NF1: variants seen among roughly 807,000 people sequenced by gnomAD.
NF1 encodes the protein neurofibromin 1.
Under a neutral mutation model 325.7 loss-of-function variants are expected in NF1, and 122 were observed. That is an observed-to-expected ratio of 0.37 (90% confidence interval 0.32 to 0.44). The LOEUF (loss-of-function observed/expected upper bound fraction) is 0.44. Ranked by LOEUF, NF1 falls within the 20% of genes least tolerant of loss-of-function variation. The probability of loss-of-function intolerance (pLI) is 1.00; values close to 1 mark genes in which losing one functional copy is unlikely to be tolerated. For synonymous variants in NF1, 1,091 were observed against 1,186.0 expected (o/e 0.92, Z 1.65); for missense variants, 2,140 against 3,415.4 (o/e 0.63, Z 9.31).
At chr17:31,249,872 GGGTCT>G (rs2067464287) in intron 30 of NF1, 1 of 452,138 alleles carries the variant, frequency 2.2e-6, no homozygotes, top group Non-Finnish European at 4.4e-6. Flanking sequence ...AAACATTAGT[GGGTCT>G]GGAATTTGGG....
chr17:31,132,793 A>G (rs1328710711), intron 1 of NF1, among the ~76,000 whole-genome samples: 1 of 151,920 alleles, frequency 6.6e-6, no homozygotes, highest in Non-Finnish European at 1.5e-5. Flanking sequence ...CAGCCACCCA[A>G]GTAGCTGGGA....
chr17:31,151,839 T>C (rs1224831442), intron 1 of NF1, among the ~76,000 whole-genome samples: 1 of 152,232 alleles, frequency 6.6e-6, no homozygotes, highest in Admixed American at 6.5e-5. Flanking sequence ...GCTGACTGTA[T>C]TTGAATTCAG....
In NF1 at chr17:31,235,727, C is replaced by T. The variant is rs2151437982; in HGVS notation, c.3825C>T (p.Phe1275=). 1 of 1,614,146 alleles carries T rather than the reference C, an allele frequency of 6.2e-7. No individual in the cohort carries two copies. Among genetic ancestry groups the T allele is most frequent in the South Asian group, 1.1e-5 (1 of 91,082 alleles). Residue 1275 remains phenylalanine (F), a synonymous_variant, in exon 28 of 58, where the codon TTC becomes TTT. Transcript: ENST00000358273. ...VELADSMQTL[F]RGNSLASKIM... ...TGGCAGACTCCATGCAGACTCTCTT[C>T]CGAGGCAACAGCTTGGCCAGTAAAA...
intron 3 of NF1, 135 bp from the exon 4 acceptor site, chr17:31,163,051 A>C (rs2065789581): frequency 2.7e-6 from 2 of 753,498 alleles, no homozygotes; most frequent in Non-Finnish European, 4.4e-6. Flanking sequence ...AAACGTTAAC[A>C]GTTGTTAAAT....
intron 36 of NF1, chr17:31,318,633 C>T (rs367595138): frequency 4.3e-5 from 69 of 1,613,916 alleles, no homozygotes; most frequent in African/African-American, 1.1e-4. Flanking sequence ...TGTTGTTTTC[C>T]GCACAGACAT....
At chr17:31,350,487 G>T (rs1165814001) in intron 50 of NF1, among the ~76,000 whole-genome samples, 169 bp downstream of exon 50, 1 of 152,160 alleles carries the variant, frequency 6.6e-6, no homozygotes, top group African/African-American at 2.4e-5. Context: ...TTTTATGTGG[G>T]TTAGTAGGAA....
rs957044732 is a variant in NF1, at chr17:31,331,294, T to A, written c.5812+796T>A. On this transcript the variant is annotated intron_variant, in intron 39 of 57. Transcript: ENST00000358273. ...TATAAACTTTATTCATAAATATTAA[T>A]ATGAGAGAAGATTTGAGTGAATGTA... 5 of 149,808 alleles carry A rather than the reference T, an allele frequency of 3.3e-5. No homozygotes were observed. The East Asian group carries it at 9.6e-4, about 29-fold the overall frequency. The allele number at this position is 149,808 out of a possible 1,614,324, so 9.3% of individuals were successfully genotyped here.
intron 1 of NF1, among the ~76,000 whole-genome samples, chr17:31,116,844 ATT>A (rs1162893167): frequency 5.0e-5 from 6 of 120,162 alleles, no homozygotes; most frequent in African/African-American, 6.3e-5. Flanking sequence ...ATTTTTTTGT[ATT>A]TTTTTTTTTT....
chr17:31,239,917 C>T (rs2067265899), intron 29 of NF1, among the ~76,000 whole-genome samples: 3 of 152,260 alleles, frequency 2.0e-5, no homozygotes, highest in Middle Eastern at 3.4e-3. Flanking sequence ...GTGCCCACCA[C>T]CATGCCTGGC....
chr17:31,273,959 G>T (rs898358329), intron 36 of NF1, among the ~76,000 whole-genome samples: 3 of 152,106 alleles, frequency 2.0e-5, no homozygotes, highest in Non-Finnish European at 4.4e-5. Flanking sequence ...CCAAGTAAGT[G>T]TATTAAAGGT....
At chr17:31,280,680 C>T (rs116600165) in intron 36 of NF1, among the ~76,000 whole-genome samples, 5 of 152,122 alleles carry the variant, frequency 3.3e-5, no homozygotes, top group Admixed American at 6.5e-5. Context: ...TATTTGTCAC[C>T]GGTATTTTAC....
Position 31,374,740 on chromosome 17 carries a change from G to A in NF1, c.*585G>A, listed in dbSNP as rs372804411. 1.7e-4 allele frequency: 39 copies of A among 234,234 alleles called. 2 individuals carry two copies. In the Middle Eastern group the frequency reaches 0.01, roughly 61 times the overall value. 14.5% of individuals were successfully genotyped at this position (234,234 alleles called of 1,614,324 possible). A position where few individuals can be genotyped will look rare whatever the true frequency, so the allele number is the denominator to read the frequency against. ...ATAAAGCCACAGACAAGGTACTTGG[G>A]GGGGAGGGCAGGGAAATTTCATATT... On this transcript the variant is annotated 3_prime_UTR_variant, in exon 58 of 58. Coordinates refer to ENST00000358273, the MANE Select transcript of NF1 (RefSeq NM_001042492.3).
At chr17:31,349,610 T>C (rs2070089600) in intron 49 of NF1, among the ~76,000 whole-genome samples, 1 of 152,196 alleles carries the variant, frequency 6.6e-6, no homozygotes, top group African/African-American at 2.4e-5. Flanking sequence ...TCATTTTTTA[T>C]TACCACTCCA....
intron 12 of NF1, among the ~76,000 whole-genome samples, chr17:31,209,239 G>T (rs2066678967): frequency 6.6e-6 from 1 of 152,166 alleles, no homozygotes; most frequent in Admixed American, 6.5e-5. Context: ...TGTTCAGTGG[G>T]TTGTCCCTCA....
At chr17:31,360,741 A>G (rs751505606) in intron 57 of NF1, 38 bp downstream of exon 57, 25 of 1,529,302 alleles carry the variant, frequency 1.6e-5, no homozygotes, top group Admixed American at 5.0e-5. Context: ...TTGAGCAACA[A>G]TATAAGACAC....
intron 1 of NF1, among the ~76,000 whole-genome samples, chr17:31,107,462 G>A (rs971996661): frequency 6.6e-6 from 1 of 151,800 alleles, no homozygotes; most frequent in African/African-American, 2.4e-5. Flanking sequence ...ACGAGGTTTC[G>A]CCATCTTGCC....
intron 1 of NF1, chr17:31,137,560 GTGTT>G (rs2143507651): frequency 6.6e-6 from 1 of 152,220 alleles, no homozygotes; most frequent in Non-Finnish European, 1.5e-5. Context: ...TCCCATGCTA[GTGTT>G]TAGAATTGGC....
At chr17:31,099,680 C>A (rs949415450) in intron 1 of NF1, among the ~76,000 whole-genome samples, 6 of 151,796 alleles carry the variant, frequency 4.0e-5, no homozygotes, top group Non-Finnish European at 5.9e-5. Context: ...CTGCCTCAGC[C>A]TCCCAAGTAG....
intron 13 of NF1, among the ~76,000 whole-genome samples, chr17:31,215,911 T>G (rs1403154458): frequency 6.6e-6 from 1 of 152,218 alleles, no homozygotes; most frequent in East Asian, 1.9e-4. Flanking sequence ...AAAATGTGTA[T>G]TTATGAGTAA....
Sources: allele counts gnomAD v4.1 joint callset (sites outside exome capture counted in the v4.1 genomes callset), GRCh38; gene constraint gnomAD v4.1.1; transcripts MANE v1.5; gene names NCBI Gene and HGNC (gene_info 2026-07-23, HGNC 2026-07-21).